PCDH9: variants seen among roughly 807,000 people sequenced by gnomAD.
PCDH9 encodes the protein protocadherin 9, also known as protocadherin-9.
In PCDH9, 24 loss-of-function variants were observed where a neutral mutation model predicts 70.6. The observed-to-expected ratio is 0.34, with a 90% confidence interval of 0.25 to 0.48. The LOEUF (loss-of-function observed/expected upper bound fraction) is 0.48. Among genes scored for constraint, PCDH9 ranks in the 20% least tolerant of loss-of-function variants. The pLI is 0.99. For synonymous variants in PCDH9, 562 were observed against 558.5 expected (o/e 1.01, Z -0.09); for missense variants, 1,281 against 1,503.6 (o/e 0.85, Z 2.45).
At chr13:66,907,833 T>G (rs1294893661) in intron 2 of PCDH9, among the ~76,000 whole-genome samples, 1 of 152,188 alleles carries the variant, frequency 6.6e-6, no homozygotes, top group African/African-American at 2.4e-5. Context: ...AAAATCAAGA[T>G]TGTTTACTAA....
At chr13:66,827,514 G>A (rs1046515392) in intron 3 of PCDH9, among the ~76,000 whole-genome samples, 1 of 152,146 alleles carries the variant, frequency 6.6e-6, no homozygotes, top group Admixed American at 6.5e-5. Flanking sequence ...TGAGTTGGAC[G>A]TGGGTGGTGG....
intron 4 of PCDH9, among the ~76,000 whole-genome samples, chr13:66,516,780 G>GCTGAACAT (rs1959757280): frequency 6.6e-6 from 1 of 151,748 alleles, no homozygotes; most frequent in Non-Finnish European, 1.5e-5. Flanking sequence ...GTGCTTGTAT[G>GCTGAACAT]AGTCATTTTA....
At chr13:66,994,968 T>C (rs908003636) in intron 2 of PCDH9, among the ~76,000 whole-genome samples, 3 of 152,182 alleles carry the variant, frequency 2.0e-5, no homozygotes, top group African/African-American at 7.2e-5. Context: ...TTACGGAACA[T>C]GCCTGCAATG....
chr13:67,164,857 G>T lies in PCDH9; in HGVS notation c.3036+60548C>A, dbSNP rs546928510. On this transcript the variant is annotated intron_variant, in intron 2 of 4. Transcript: ENST00000377865. The stretch of plus-strand genomic sequence containing the variant: ...CAGGAACTTCTGCATCCCTCCTCTT[G>T]CCCCTACCCAATCACTTGCTATGTC... 2.0e-5 allele frequency among the ~76,000 whole-genome samples: 3 copies of T among 152,066 alleles called. No homozygotes were observed. In the South Asian group the frequency reaches 6.2e-4, roughly 32 times the overall value.
chr13:66,656,707 C>G (rs1391396420), intron 3 of PCDH9, among the ~76,000 whole-genome samples: 1 of 152,154 alleles, frequency 6.6e-6, no homozygotes, highest in Non-Finnish European at 1.5e-5. Context: ...GTTAATACTC[C>G]TGTGAAAGTG....
chr13:66,486,986 T>C (rs533886287), intron 4 of PCDH9, among the ~76,000 whole-genome samples: 115 of 152,336 alleles, frequency 7.5e-4, no homozygotes, highest in African/African-American at 2.6e-3. Context: ...ATGGTGTGCA[T>C]ATACATAATT....
At chr13:66,312,869 T>G (rs1255248965) in intron 4 of PCDH9, among the ~76,000 whole-genome samples, 1 of 152,214 alleles carries the variant, frequency 6.6e-6, no homozygotes, top group Non-Finnish European at 1.5e-5. Context: ...CATACAGATT[T>G]CTTCCTTGGT....
intron 2 of PCDH9, among the ~76,000 whole-genome samples, chr13:67,094,057 C>T (rs540190837): frequency 1.3e-5 from 2 of 152,028 alleles, no homozygotes; most frequent in Admixed American, 6.6e-5. Context: ...ATCTTTATAC[C>T]CCTCTAATCT....
intron 4 of PCDH9, among the ~76,000 whole-genome samples, chr13:66,490,739 A>T (rs1313556549): frequency 3.3e-5 from 5 of 152,204 alleles, no homozygotes; most frequent in African/African-American, 1.2e-4. Flanking sequence ...ATCAAAGCAC[A>T]TAAAATTCAG....
chr13:66,534,614 A>C (rs1246436373), intron 4 of PCDH9, among the ~76,000 whole-genome samples: 1 of 152,156 alleles, frequency 6.6e-6, no homozygotes, highest in Non-Finnish European at 1.5e-5. Flanking sequence ...GGGGGGACAC[A>C]AACATTCAGT....
At chr13:66,947,960 C>A (rs1283708101) in intron 2 of PCDH9, among the ~76,000 whole-genome samples, 2 of 151,978 alleles carry the variant, frequency 1.3e-5, no homozygotes, top group African/African-American at 4.8e-5. Context: ...ACTATCTAAC[C>A]TAGAGGAAAA....
At chr13:66,377,058 G>A (rs897523798) in intron 4 of PCDH9, among the ~76,000 whole-genome samples, 5 of 152,170 alleles carry the variant, frequency 3.3e-5, no homozygotes, top group Non-Finnish European at 7.3e-5. Flanking sequence ...AATAGGTACG[G>A]AGAGAATTTG....
chr13:67,154,074 T>C (rs1172329921), intron 2 of PCDH9, among the ~76,000 whole-genome samples: 1 of 152,042 alleles, frequency 6.6e-6, no homozygotes, highest in Non-Finnish European at 1.5e-5. Flanking sequence ...AACAGAAATT[T>C]AAAATGGCAA....
intron 4 of PCDH9, among the ~76,000 whole-genome samples, chr13:66,616,831 G>A (rs939357497): frequency 6.6e-6 from 1 of 152,064 alleles, no homozygotes; most frequent in Non-Finnish European, 1.5e-5. Context: ...GAGTTCCGCA[G>A]TTTCACCTTA....
intron 4 of PCDH9, among the ~76,000 whole-genome samples, chr13:66,405,398 T>C (rs1957263404): frequency 6.6e-6 from 1 of 152,240 alleles, no homozygotes; most frequent in Admixed American, 6.5e-5. Context: ...TACTTAGCTA[T>C]GATTGAACAA....
At position 66,824,343 on chromosome 13, in the gene PCDH9, A is replaced by G. The variant is rs868250480; in HGVS notation, c.3138+79161T>C. On this transcript the variant is annotated intron_variant, in intron 3 of 4. Transcript: ENST00000377865. ...TATATATATATATATATATATATAT[A>G]TATATAGTTAAATGTTAAAAACAAT... Among the ~76,000 whole-genome samples, 352 of 125,738 alleles carry G rather than the reference A, an allele frequency of 2.8e-3. 1 individual carries two copies. The highest frequency in any genetic ancestry group is 0.01 in the African/African-American group (317 of 31,046). 82.5% of individuals were successfully genotyped at this position (125,738 alleles called of 152,430 possible). A position where few individuals can be genotyped will look rare whatever the true frequency, so the allele number is the denominator to read the frequency against.
intron 3 of PCDH9, chr13:66,876,715 A>C (rs2081818130): frequency 6.6e-6 from 1 of 152,260 alleles, no homozygotes; most frequent in African/African-American, 2.4e-5. Context: ...ATCAGTAGAG[A>C]AAAGAGGTTT....
intron 2 of PCDH9, among the ~76,000 whole-genome samples, chr13:67,129,190 T>A (rs989137350): frequency 6.6e-6 from 1 of 152,070 alleles, no homozygotes; most frequent in African/African-American, 2.4e-5. Flanking sequence ...AGGTATATCA[T>A]AGCTAATGAC....
intron 4 of PCDH9, among the ~76,000 whole-genome samples, chr13:66,471,395 T>C (rs191610627): frequency 8.3e-4 from 126 of 152,320 alleles, no homozygotes; most frequent in African/African-American, 3.0e-3. Context: ...TTTCGAAGAT[T>C]ACTACTGCAG....
Sources: gnomAD v4.1 joint callset for allele counts (sites outside exome capture counted in the v4.1 genomes callset) on GRCh38, gnomAD v4.1.1 for gene constraint, MANE v1.5 for transcripts, NCBI Gene and HGNC (gene_info 2026-07-23, HGNC 2026-07-21) for gene names.